The following DMD variants were observed in gnomAD, a reference collection of about 807,000 sequenced individuals.
DMD encodes the protein dystrophin.
Under a neutral mutation model 330.1 loss-of-function variants are expected in DMD, and 63 were observed. The observed-to-expected ratio is 0.19, with a 90% CI of 0.16 to 0.24. The LOEUF is 0.24. Among genes scored for constraint, DMD ranks in the 10% least tolerant of loss-of-function variants. The probability of loss-of-function intolerance (pLI) is 1.00; values close to 1 mark genes in which losing one functional copy is unlikely to be tolerated. For missense variants in DMD, 3,344 were observed against 2,684.1 expected (o/e 1.25, Z -5.43); for synonymous variants, 1,223 against 959.8 (o/e 1.27, Z -5.07).
chrX:32,206,296 GTA>G, intron 44 of DMD: 1 of 547,407 alleles, frequency 1.8e-6, no homozygotes, highest in East Asian at 3.7e-5. Context: ...AAACTCATAA[GTA>G]TATCTGGAAA....
intron 51 of DMD, among the ~76,000 whole-genome samples, chrX:31,735,008 A>C (rs1253780187): frequency 9.0e-6 from 1 of 111,449 alleles, no homozygotes; most frequent in Non-Finnish European, 1.9e-5. Flanking sequence ...TGCATTTTGA[A>C]ATCCATGATT....
chrX:32,734,080 A>T (rs1194623843), intron 7 of DMD, among the ~76,000 whole-genome samples: 2 of 107,374 alleles, frequency 1.9e-5, no homozygotes, highest in African/African-American at 6.9e-5. Context: ...GATAAAGGGG[A>T]TATCACCACT....
chrX:31,923,367 A>G (rs2094720194), intron 47 of DMD, among the ~76,000 whole-genome samples: 1 of 111,490 alleles, frequency 9.0e-6, no homozygotes, highest in Non-Finnish European at 1.9e-5. Context: ...TAAATAAGGG[A>G]AGGGTGGGAA....
intron 34 of DMD, among the ~76,000 whole-genome samples, chrX:32,378,213 C>T (rs1403978418): frequency 3.6e-5 from 4 of 110,018 alleles, no homozygotes; most frequent in South Asian, 3.8e-4. Flanking sequence ...GGAAGCTTGG[C>T]GCCAATTTGT....
chrX:31,722,542 C>T lies in DMD; in HGVS notation c.7660+7089G>A, dbSNP rs188490110. On this transcript the variant is annotated intron_variant, in intron 52 of 78. Coordinates refer to ENST00000357033, the MANE Select transcript of DMD (RefSeq NM_004006.3). ...ATAAAAAGCTAAAGGGTTCATTAGACCTACAAGGCAAACAGTAATGGCTAA... is the reference window on the plus strand; with the variant it reads ...ATAAAAAGCTAAAGGGTTCATTAGATCTACAAGGCAAACAGTAATGGCTAA... Among the ~76,000 whole-genome samples the T allele has an allele frequency of 1.3e-4, 15 of 111,372 alleles. No homozygotes were observed. The East Asian group carries it at 4.2e-3, about 31-fold the overall frequency.
At chrX:32,178,422 G>A (rs972256153) in intron 44 of DMD, among the ~76,000 whole-genome samples, 4 of 109,827 alleles carry the variant, frequency 3.6e-5, no homozygotes, top group African/African-American at 1.3e-4. Flanking sequence ...CCATTGTGGA[G>A]AACATTATCA....
At chrX:31,348,766 T>C (rs2058235588) in intron 60 of DMD, 132 bp from the exon 61 acceptor site, 2 of 569,362 alleles carry the variant, frequency 3.5e-6, no homozygotes, top group East Asian at 3.6e-5. Flanking sequence ...TTCATAACTC[T>C]AGTTTTAATA....
At chrX:32,050,265 G>A (rs1478918192) in intron 44 of DMD, among the ~76,000 whole-genome samples, 7 of 110,708 alleles carry the variant, frequency 6.3e-5, no homozygotes, top group Admixed American at 4.8e-4. Context: ...AAATAGTATA[G>A]GGGTCCAAAA....
chrX:32,380,525 T>A lies in DMD; in HGVS notation c.4830A>T (p.Glu1610Asp), dbSNP rs757114307. 1 of 1,210,845 alleles carries A rather than the reference T, an allele frequency of 8.3e-7. No individual in the cohort carries two copies. The highest frequency in any genetic ancestry group is 1.7e-5 in the African/African-American group (1 of 57,838). ...TAGGTTTTACCTTTCCCCAGGCAAC[T>A]TCAGAATCCAAATTACTAGGCATTC... ...VEGMPSNLDS[E>D]VAWGKATQKE... The change falls in exon 34 of 79, where the codon GAA becomes GAT. Residue 1610 changes from glutamate to aspartate, a missense_variant. Transcript: ENST00000357033.
rs778712579 is a variant in DMD, at chrX:32,438,427, T to C, written c.3922-37A>G. 5 of 1,180,975 alleles carry C rather than the reference T, an allele frequency of 4.2e-6. No individual in the cohort carries two copies. In the Admixed American group the frequency reaches 8.7e-5, roughly 21 times the overall value. The stretch of plus-strand genomic sequence containing the variant: ...TTGCAATAATTACTATTTCTCCTTT[T>C]TTTTCTAAATACATTGGATTATCAG... On this transcript the variant is annotated intron_variant, in intron 28 of 78. Coordinates refer to ENST00000357033, the MANE Select transcript of DMD (RefSeq NM_004006.3).
At chrX:32,976,596 T>A (rs1342866561) in intron 2 of DMD, among the ~76,000 whole-genome samples, 2 of 111,887 alleles carry the variant, frequency 1.8e-5, no homozygotes, top group African/African-American at 6.5e-5. Context: ...ATGTTATTAA[T>A]CATACAGAAA....
chrX:33,176,094 TGAG>T (rs2049634263), intron 1 of DMD, among the ~76,000 whole-genome samples: 1 of 111,381 alleles, frequency 9.0e-6, no homozygotes, highest in Non-Finnish European at 1.9e-5. Context: ...CATAGACATC[TGAG>T]GAGGAACAAA....
chrX:32,495,148 G>T (rs961748352), intron 19 of DMD, among the ~76,000 whole-genome samples: 1 of 111,918 alleles, frequency 8.9e-6, no homozygotes, highest in Non-Finnish European at 1.9e-5. Context: ...CAGAAGTCTT[G>T]CTATGAAGGA....
intron 1 of DMD, among the ~76,000 whole-genome samples, chrX:33,303,266 G>T (rs2053695033): frequency 9.0e-6 from 1 of 111,171 alleles, no homozygotes. Context: ...AACTCCTTTG[G>T]TATTTTACAT....
At chrX:31,512,309 C>A (rs1347298721) in intron 55 of DMD, among the ~76,000 whole-genome samples, 2 of 107,012 alleles carry the variant, frequency 1.9e-5, no homozygotes, top group East Asian at 3.0e-4. Context: ...ATGGTAGTTT[C>A]TTTTGCTGTG....
At chrX:33,097,914 C>T (rs2148353697) in intron 1 of DMD, among the ~76,000 whole-genome samples, 1 of 111,102 alleles carries the variant, frequency 9.0e-6, no homozygotes, top group East Asian at 2.8e-4. Flanking sequence ...CATGCCCAGC[C>T]CCACCAGTAA....
intron 70 of DMD, 102 bp downstream of exon 70, chrX:31,178,567 T>C (rs778480675): frequency 1.1e-5 from 12 of 1,072,294 alleles, no homozygotes; most frequent in East Asian, 3.2e-5. Flanking sequence ...AAGAAAGAAA[T>C]AGAAGAGACT....
At chrX:31,795,299 T>C (rs2091774835) in intron 50 of DMD, among the ~76,000 whole-genome samples, 1 of 112,508 alleles carries the variant, frequency 8.9e-6, no homozygotes, top group Non-Finnish European at 1.9e-5. Context: ...ATAGTAGATA[T>C]ATATGAATAC....
intron 2 of DMD, among the ~76,000 whole-genome samples, chrX:32,903,366 G>T (rs763766259): frequency 1.3e-4 from 14 of 109,832 alleles, no homozygotes; most frequent in Non-Finnish European, 1.1e-4. Flanking sequence ...GGGAGAAGAA[G>T]GGAATTACAG....
Sources: allele counts gnomAD v4.1 joint callset (sites outside exome capture counted in the v4.1 genomes callset), GRCh38; gene constraint gnomAD v4.1.1; transcripts MANE v1.5; gene names NCBI Gene and HGNC (gene_info 2026-07-23, HGNC 2026-07-21).